Variants in DDAH1 observed in about 807,000 individuals in gnomAD.
DDAH1 encodes dimethylarginine dimethylaminohydrolase 1.
DDAH1 carries 19 observed loss-of-function variants against 28.8 expected under a neutral mutation model. The ratio of observed to expected loss-of-function variants is 0.66; its 90% CI spans 0.46 to 0.97. DDAH1 has a LOEUF of 0.97. DDAH1 is among the 50% of genes least tolerant of loss of function. DDAH1 has a pLI of 0.00. For synonymous variants in DDAH1, 153 were observed against 154.4 expected, an observed-to-expected ratio of 0.99 and a Z score of 0.07; for missense variants, 326 against 375.9, an observed-to-expected ratio of 0.87 and a Z score of 1.10.
At chr1:85,507,259 C>T (rs1181427133) in intron 1 of DDAH1, among the ~76,000 whole-genome samples, 3 of 152,098 alleles carry the variant, frequency 2.0e-5, no homozygotes, top group Admixed American at 6.6e-5. Flanking sequence ...AATCGCAGCA[C>T]CTTGGAAGGC....
At chr1:85,480,303 T>G (rs908457787) in intron 2 of DDAH1, among the ~76,000 whole-genome samples, 1 of 152,206 alleles carries the variant, frequency 6.6e-6, no homozygotes, top group Non-Finnish European at 1.5e-5. Context: ...CCTCTTAAGC[T>G]TCTAATAAAA....
rs1251949185 is a variant in DDAH1 at position 85,318,708 on chromosome 1, T to G, written c.*2744A>C. The G allele has an allele frequency of 2.0e-5, 3 of 152,662 alleles. No individual in the cohort carries two copies. The highest frequency in any genetic ancestry group is 7.2e-5 in the African/African-American group (3 of 41,452). The allele number at this position is 152,662 out of a possible 1,614,324, so 9.5% of individuals were successfully genotyped here. The stretch of plus-strand genomic sequence containing the variant: ...CCATGTTGAAATCATGTCTGAGTTC[T>G]GGAGAAAGTTAAAGTGTAAATAATT... On this transcript the variant is annotated 3_prime_UTR_variant, in exon 6 of 6. Coordinates refer to ENST00000284031, the MANE Select transcript of DDAH1 (RefSeq NM_012137.4).
At chr1:85,397,665 T>C (rs1450769789) in intron 1 of DDAH1, among the ~76,000 whole-genome samples, 1 of 152,240 alleles carries the variant, frequency 6.6e-6, no homozygotes, top group African/African-American at 2.4e-5. Flanking sequence ...TTGCTCTCTG[T>C]ATTACACAAT....
chr1:85,495,981 G>T (rs958630067), intron 2 of DDAH1: 2 of 152,618 alleles, frequency 1.3e-5, no homozygotes, highest in Admixed American at 6.5e-5. Flanking sequence ...CTAAAGACCG[G>T]GTTCTGCTAC....
rs185367796 is a variant in DDAH1, at chr1:85,324,326, A to T, written c.741+414T>A. 4.6e-5 allele frequency among the ~76,000 whole-genome samples: 7 copies of T among 150,718 alleles called. No homozygotes were observed. The East Asian group carries it at 1.4e-3, about 29-fold the overall frequency. On this transcript the variant is annotated intron_variant, in intron 5 of 5. Coordinates refer to ENST00000284031, the MANE Select transcript of DDAH1 (RefSeq NM_012137.4). ...AATAAAAAAATAAAAAGAAATAAAA[A>T]GAAAAGCTGCCCTTTTCTGAGGGAC...
intron 1 of DDAH1, among the ~76,000 whole-genome samples, chr1:85,441,784 T>C (rs770578968): frequency 1.8e-4 from 27 of 152,328 alleles, no homozygotes; most frequent in Non-Finnish European, 3.4e-4. Context: ...CTTTCAACTT[T>C]ATGTTTGCCA....
chr1:85,501,561 A>T (rs1040966322), intron 1 of DDAH1, among the ~76,000 whole-genome samples: 4 of 152,136 alleles, frequency 2.6e-5, no homozygotes, highest in Admixed American at 2.0e-4. Context: ...CATTAGCCTG[A>T]CCTACAAATT....
chr1:85,570,493 C>T (rs998838463), intron 1 of DDAH1, among the ~76,000 whole-genome samples: 9 of 152,162 alleles, frequency 5.9e-5, no homozygotes, highest in African/African-American at 2.2e-4. Flanking sequence ...AGTGCAGCCT[C>T]AGACTGCCCG....
At chr1:85,426,616 T>G (rs984701471) in intron 1 of DDAH1, among the ~76,000 whole-genome samples, 2 of 151,480 alleles carry the variant, frequency 1.3e-5, no homozygotes, top group Non-Finnish European at 2.9e-5. Context: ...CTCAAAGGAG[T>G]TGAAAAACAA....
At chr1:85,470,166 T>G (rs1655568713) in intron 2 of DDAH1, among the ~76,000 whole-genome samples, 1 of 152,192 alleles carries the variant, frequency 6.6e-6, no homozygotes, top group Non-Finnish European at 1.5e-5. Context: ...ACACTGCTGA[T>G]AAAGACATAC....
rs57416273 is a variant in DDAH1 at position 85,373,477 on chromosome 1, C to A, written c.304-14630G>T. Among the ~76,000 whole-genome samples, 924 of 152,172 alleles carry A rather than the reference C, an allele frequency of 6.1e-3. 9 individuals are homozygous for A. Among genetic ancestry groups the A allele is most frequent in the African/African-American group, 0.021 (891 of 41,522 alleles). ...GGGGTGGTTTCCCCCATGCTTTTCT[C>A]GTGACAATGAGTGAGTTCTCACGAG... On this transcript the variant is annotated intron_variant, in intron 1 of 5. Transcript: ENST00000284031.
chr1:85,512,117 C>T (rs1439274753), intron 1 of DDAH1, among the ~76,000 whole-genome samples: 3 of 152,074 alleles, frequency 2.0e-5, no homozygotes, highest in Non-Finnish European at 2.9e-5. Context: ...ACTGGCAAAC[C>T]GAATCCAGCA....
chr1:85,511,473 T>TAGCAAAGGC (rs1657230534), intron 1 of DDAH1, among the ~76,000 whole-genome samples: 2 of 152,026 alleles, frequency 1.3e-5, no homozygotes, highest in Admixed American at 6.6e-5. Context: ...ATTCAAAAGC[T>TAGCAAAGGC]AGCAAAGGCA....
At chr1:85,360,336 T>C (rs1037108230) in intron 1 of DDAH1, among the ~76,000 whole-genome samples, 1 of 152,190 alleles carries the variant, frequency 6.6e-6, no homozygotes, top group African/African-American at 2.4e-5. Context: ...ATGGTCTTAA[T>C]GTTGTAGTAA....
At position 85,439,194 on chromosome 1, in the gene DDAH1, G is replaced by A. The variant is rs528125748; in HGVS notation, c.303+25549C>T. 2.6e-5 allele frequency among the ~76,000 whole-genome samples: 4 copies of A among 152,270 alleles called. No homozygotes were observed. The South Asian group carries it at 8.3e-4, about 32-fold the overall frequency. ...TAATTAGCAGGGGTGGAATATGAAT[G>A]TTCCAGCTTAGGCTGATTACCAAGC... is the stretch of plus-strand genomic sequence containing the variant. On this transcript the variant is annotated intron_variant, in intron 1 of 5. Transcript: ENST00000284031.
chr1:85,543,715 A>T (rs909146250), intron 1 of DDAH1, among the ~76,000 whole-genome samples: 3 of 152,218 alleles, frequency 2.0e-5, no homozygotes, highest in Non-Finnish European at 2.9e-5. Context: ...GAATAATTTG[A>T]TGGGTTTTAT....
chr1:85,339,038 C>A, intron 4 of DDAH1, among the ~76,000 whole-genome samples: 1 of 142,904 alleles, frequency 7.0e-6, no homozygotes, highest in African/African-American at 2.7e-5. Flanking sequence ...CAGAGCAAGA[C>A]TCCGTCTCAA....
intron 1 of DDAH1, among the ~76,000 whole-genome samples, chr1:85,510,944 G>T (rs1220914850): frequency 6.6e-6 from 1 of 152,178 alleles, no homozygotes; most frequent in Non-Finnish European, 1.5e-5. Flanking sequence ...AGATCAAAGA[G>T]ACAGAAGGTT....
chr1:85,492,978 A>T (rs2100730266), intron 2 of DDAH1, among the ~76,000 whole-genome samples: 1 of 152,190 alleles, frequency 6.6e-6, no homozygotes, highest in Admixed American at 6.5e-5. Context: ...ATATGTCACG[A>T]AGGGTTGCAT....
Sources: allele counts gnomAD v4.1 joint callset (sites outside exome capture counted in the v4.1 genomes callset), GRCh38; gene constraint gnomAD v4.1.1; transcripts MANE v1.5; gene names NCBI Gene and HGNC (gene_info 2026-07-23, HGNC 2026-07-21).